Variants in SLC9A9 observed in about 807,000 individuals in gnomAD.
SLC9A9 encodes sodium/hydrogen exchanger 9.
In SLC9A9, 62 loss-of-function variants were observed where a neutral mutation model predicts 77.8. That is an observed-to-expected ratio of 0.80 (90% confidence interval 0.65 to 0.98). SLC9A9 has a LOEUF of 0.98. SLC9A9 is among the 50% of genes least tolerant of loss of function. The probability of loss-of-function intolerance (pLI) is 0.00; values close to 1 mark genes in which losing one functional copy is unlikely to be tolerated. For missense variants in SLC9A9, 775 were observed against 774.9 expected (o/e 1.00, Z 0.00); for synonymous variants, 320 against 283.5 (o/e 1.13, Z -1.29).
intron 1 of SLC9A9, among the ~76,000 whole-genome samples, chr3:143,837,111 TG>T (rs1216691014): frequency 6.6e-6 from 1 of 152,178 alleles, no homozygotes; most frequent in Non-Finnish European, 1.5e-5. Context: ...GATTTCAGAA[TG>T]TTTTTTAAAA....
At chr3:143,497,550 A>G (rs1266623138) in intron 9 of SLC9A9, among the ~76,000 whole-genome samples, 2 of 152,240 alleles carry the variant, frequency 1.3e-5, no homozygotes, top group East Asian at 3.8e-4. Flanking sequence ...GAAATCAGAA[A>G]GATGCTGGCC....
chr3:143,354,501 C>T (rs2032539479), intron 14 of SLC9A9, among the ~76,000 whole-genome samples: 1 of 152,134 alleles, frequency 6.6e-6, no homozygotes, highest in African/African-American at 2.4e-5. Context: ...CGAGCTAGAC[C>T]CAGGACTGTG....
At chr3:143,634,542 A>G (rs542503112) in intron 6 of SLC9A9, among the ~76,000 whole-genome samples, 26 of 152,268 alleles carry the variant, frequency 1.7e-4, no homozygotes, top group Admixed American at 8.5e-4. Context: ...TATTGCCAGC[A>G]CACTTTTAAT....
At chr3:143,819,270 G>T (rs2009107677) in intron 2 of SLC9A9, among the ~76,000 whole-genome samples, 2 of 152,196 alleles carry the variant, frequency 1.3e-5, no homozygotes, top group Admixed American at 1.3e-4. Flanking sequence ...CTAGAAGTTA[G>T]AAATGTCCCA....
chr3:143,291,580 G>T (rs758169488), intron 14 of SLC9A9, among the ~76,000 whole-genome samples: 1 of 152,182 alleles, frequency 6.6e-6, no homozygotes, highest in African/African-American at 2.4e-5. Flanking sequence ...AGCAGGAAAA[G>T]GCTATTGGGC....
At chr3:143,801,889 G>T (rs1199812243) in intron 2 of SLC9A9, among the ~76,000 whole-genome samples, 3 of 152,082 alleles carry the variant, frequency 2.0e-5, no homozygotes, top group Non-Finnish European at 2.9e-5. Context: ...GCTGAAAGAG[G>T]TTTCCTCACT....
intron 12 of SLC9A9, among the ~76,000 whole-genome samples, chr3:143,422,584 G>A (rs996134349): frequency 6.6e-6 from 1 of 152,060 alleles, no homozygotes. Context: ...ATAGACACTG[G>A]AAACTACTAG....
chr3:143,674,578 A>G (rs2039210145), intron 5 of SLC9A9, among the ~76,000 whole-genome samples: 1 of 152,062 alleles, frequency 6.6e-6, no homozygotes, highest in Non-Finnish European at 1.5e-5. Flanking sequence ...TAGGTAGTAC[A>G]TGCTAGGAAA....
At chr3:143,689,208 A>C (rs1933376342) in intron 5 of SLC9A9, among the ~76,000 whole-genome samples, 1 of 152,090 alleles carries the variant, frequency 6.6e-6, no homozygotes, top group Non-Finnish European at 1.5e-5. Context: ...GCATCTAGGA[A>C]AATTACAAAT....
At chr3:143,622,046 G>A (rs1033490053) in intron 6 of SLC9A9, among the ~76,000 whole-genome samples, 11 of 152,154 alleles carry the variant, frequency 7.2e-5, no homozygotes, top group Non-Finnish European at 1.3e-4. Context: ...GAAATGAAGT[G>A]AGAAGAGAAG....
At chr3:143,375,376 C>T (rs1323839695) in intron 13 of SLC9A9, among the ~76,000 whole-genome samples, 4 of 152,152 alleles carry the variant, frequency 2.6e-5, no homozygotes, top group South Asian at 2.1e-4. Context: ...TATTCATACA[C>T]CTGTTTTTTA....
In SLC9A9 at chr3:143,408,743, G is replaced by T. The variant is rs568171968; in HGVS notation, c.1470-26629C>A. 2.0e-5 allele frequency among the ~76,000 whole-genome samples: 3 copies of T among 152,240 alleles called. No homozygotes were observed. In the East Asian group the frequency reaches 5.8e-4, roughly 29 times the overall value. On this transcript the variant is annotated intron_variant, in intron 12 of 15. Transcript: ENST00000316549. ...GACAAAAACATGAGTATCATAACAAGCAAGTAATGTTAGTACATAGAAGGA... is the reference window on the plus strand; with the variant it reads ...GACAAAAACATGAGTATCATAACAATCAAGTAATGTTAGTACATAGAAGGA...
chr3:143,436,423 G>A (rs1329840783), intron 12 of SLC9A9, among the ~76,000 whole-genome samples: 2 of 152,190 alleles, frequency 1.3e-5, no homozygotes, highest in African/African-American at 4.8e-5. Context: ...GCCTTCAGCT[G>A]GAAAGTGCTA....
intron 4 of SLC9A9, among the ~76,000 whole-genome samples, chr3:143,784,832 G>A (rs1293774736): frequency 6.6e-6 from 1 of 152,178 alleles, no homozygotes; most frequent in Non-Finnish European, 1.5e-5. Context: ...TAGGAGGTAG[G>A]ACCTTTGGGA....
intron 2 of SLC9A9, among the ~76,000 whole-genome samples, chr3:143,821,107 A>C (rs548763465): frequency 6.6e-6 from 1 of 152,268 alleles, no homozygotes; most frequent in South Asian, 2.1e-4. Flanking sequence ...TGTGTGCTGA[A>C]ATCAGCAGAA....
intron 12 of SLC9A9, among the ~76,000 whole-genome samples, chr3:143,407,861 G>T (rs1172090109): frequency 5.9e-5 from 9 of 152,230 alleles, no homozygotes; most frequent in Admixed American, 5.9e-4. Context: ...GAATCAGTAG[G>T]TATATTAGCA....
chr3:143,676,515 G>C (rs1932894468), intron 5 of SLC9A9, among the ~76,000 whole-genome samples: 1 of 152,080 alleles, frequency 6.6e-6, no homozygotes, highest in South Asian at 2.1e-4. Flanking sequence ...GAGGAGGGCG[G>C]ATCATGAGGT....
intron 6 of SLC9A9, among the ~76,000 whole-genome samples, chr3:143,636,178 T>C (rs1435103203): frequency 6.6e-6 from 1 of 152,218 alleles, no homozygotes; most frequent in Admixed American, 6.5e-5. Flanking sequence ...TTTGGTCCTT[T>C]ACTAAAGTTA....
intron 12 of SLC9A9, among the ~76,000 whole-genome samples, chr3:143,394,140 C>T (rs1398577616): frequency 6.6e-6 from 1 of 152,036 alleles, no homozygotes; most frequent in African/African-American, 2.4e-5. Context: ...CTGGCAGAGA[C>T]ACAACAAAAA....
Sources: gnomAD v4.1 joint callset for allele counts (sites outside exome capture counted in the v4.1 genomes callset) on GRCh38, gnomAD v4.1.1 for gene constraint, MANE v1.5 for transcripts, NCBI Gene and HGNC (gene_info 2026-07-23, HGNC 2026-07-21) for gene names.